ACSL1: variants seen among roughly 807,000 people sequenced by gnomAD.
ACSL1 encodes the protein acyl-CoA synthetase long chain family member 1.
Under a neutral mutation model 98.4 loss-of-function variants are expected in ACSL1, and 41 were observed. The observed-to-expected ratio is 0.42, with a 90% CI of 0.32 to 0.54. The LOEUF (loss-of-function observed/expected upper bound fraction) is 0.54. Ranked by LOEUF, ACSL1 falls within the 20% of genes least tolerant of loss-of-function variation. ACSL1 has a pLI of 0.13. For missense variants in ACSL1, 734 were observed against 883.1 expected, an observed-to-expected ratio of 0.83 and a Z score of 2.14; for synonymous variants, 316 against 322.7, an observed-to-expected ratio of 0.98 and a Z score of 0.22.
intron 2 of ACSL1, among the ~76,000 whole-genome samples, chr4:184,792,750 T>C (rs1768617572): frequency 6.6e-6 from 1 of 152,206 alleles, no homozygotes; most frequent in Non-Finnish European, 1.5e-5. Context: ...AGTGTTGCTA[T>C]TTTTTGAACA....
intron 2 of ACSL1, among the ~76,000 whole-genome samples, chr4:184,800,883 C>T (rs531043049): frequency 6.6e-6 from 1 of 152,318 alleles, no homozygotes; most frequent in East Asian, 1.9e-4. Context: ...GACAAGGTCT[C>T]GCTCTGTTGC....
chr4:184,759,236 A>G (rs1561169164), intron 18 of ACSL1, among the ~76,000 whole-genome samples: 1 of 152,232 alleles, frequency 6.6e-6, no homozygotes, highest in African/African-American at 2.4e-5. Flanking sequence ...TAATAGCAGC[A>G]TGATTTATAA....
chr4:184,824,407 A>C (rs1388089301), intron 1 of ACSL1, among the ~76,000 whole-genome samples: 1 of 151,602 alleles, frequency 6.6e-6, no homozygotes, highest in Non-Finnish European at 1.5e-5. Flanking sequence ...GATTACAGTG[A>C]GCCACCACGC....
At chr4:184,772,463 G>C (rs1360979603) in intron 10 of ACSL1, among the ~76,000 whole-genome samples, 1 of 152,188 alleles carries the variant, frequency 6.6e-6, no homozygotes. Flanking sequence ...TTTTTAAAAG[G>C]CAAGTTTGGA....
chr4:184,792,526 TCTGA>T (rs1443636070), intron 2 of ACSL1, among the ~76,000 whole-genome samples: 1 of 152,158 alleles, frequency 6.6e-6, no homozygotes, highest in Non-Finnish European at 1.5e-5. Flanking sequence ...GTCTCAACCG[TCTGA>T]CTGAGCTCAA....
intron 17 of ACSL1, among the ~76,000 whole-genome samples, chr4:184,761,087 T>C (rs1762794615): frequency 1.3e-5 from 2 of 152,166 alleles, no homozygotes; most frequent in Admixed American, 6.5e-5. Flanking sequence ...CTAGTCCCAC[T>C]TTTACCCCAT....
chr4:184,791,578 G>T (rs899514964), intron 2 of ACSL1, among the ~76,000 whole-genome samples: 1 of 152,186 alleles, frequency 6.6e-6, no homozygotes, highest in Admixed American at 6.5e-5. Flanking sequence ...ACCTTCCTAG[G>T]GACAGCAGGT....
chr4:184,788,028 G>C (rs1410686463), intron 3 of ACSL1, among the ~76,000 whole-genome samples: 1 of 152,146 alleles, frequency 6.6e-6, no homozygotes, highest in African/African-American at 2.4e-5. Context: ...ACTGCACAAA[G>C]CCTCAGGGCT....
chr4:184,775,960 C>A (rs1765222139), intron 7 of ACSL1, among the ~76,000 whole-genome samples: 1 of 152,164 alleles, frequency 6.6e-6, no homozygotes, highest in African/African-American at 2.4e-5. Flanking sequence ...CACGCTCATT[C>A]TCCTGGAATG....
At chr4:184,788,265 T>C (rs113287524) in intron 3 of ACSL1, 3 of 370,196 alleles carry the variant, frequency 8.1e-6, no homozygotes, top group South Asian at 4.3e-5. Flanking sequence ...TCTCAAAATA[T>C]GGGTCTCATG....
chr4:184,782,975 A>C (rs1266245340), intron 4 of ACSL1, among the ~76,000 whole-genome samples: 1 of 152,138 alleles, frequency 6.6e-6, no homozygotes, highest in African/African-American at 2.4e-5. Context: ...AAAACCCAGA[A>C]GGAGGAAGTG....
intron 1 of ACSL1, among the ~76,000 whole-genome samples, chr4:184,815,325 C>G (rs930994465): frequency 6.6e-6 from 1 of 152,126 alleles, no homozygotes; most frequent in South Asian, 2.1e-4. Context: ...GACTCGCAGC[C>G]GCATTGTAAG....
chr4:184,815,497 G>T (rs1461413260), intron 1 of ACSL1, among the ~76,000 whole-genome samples: 1 of 152,116 alleles, frequency 6.6e-6, no homozygotes, highest in African/African-American at 2.4e-5. Flanking sequence ...CCTGGGGGGG[G>T]AAACTGGGAA....
chr4:184,758,156 G>A, intron 18 of ACSL1: 1 of 490,246 alleles, frequency 2.0e-6, no homozygotes, highest in Non-Finnish European at 3.6e-6. Context: ...AAAAACCACT[G>A]GGAATACCAA....
At chr4:184,805,111 T>C (rs1338263539) in intron 1 of ACSL1, among the ~76,000 whole-genome samples, 1 of 152,120 alleles carries the variant, frequency 6.6e-6, no homozygotes, top group Non-Finnish European at 1.5e-5. Flanking sequence ...GGGCAAAGGA[T>C]ATGAACAGAC....
chr4:184,810,715 C>G (rs2150475230), intron 1 of ACSL1, among the ~76,000 whole-genome samples: 1 of 151,816 alleles, frequency 6.6e-6, no homozygotes, highest in African/African-American at 2.4e-5. Context: ...AACGATAGGG[C>G]TCAAGCGGAT....
At chr4:184,802,947 A>G (rs1311320353) in intron 2 of ACSL1, among the ~76,000 whole-genome samples, 1 of 152,174 alleles carries the variant, frequency 6.6e-6, no homozygotes, top group African/African-American at 2.4e-5. Context: ...TTTTGGTAAC[A>G]TTTGTTTGAA....
At chr4:184,826,158 C>T (rs1773481199), upstream of ACSL1, 1 of 149,280 alleles carries the variant, frequency 6.7e-6, no homozygotes, top group African/African-American at 2.4e-5. Flanking sequence ...CCGCCGAGCG[C>T]CCGGCCGCCC....
chr4:184,805,344 T>C (rs1771249273), intron 1 of ACSL1: 2 of 332,042 alleles, frequency 6.0e-6, no homozygotes, highest in Non-Finnish European at 8.6e-6. Flanking sequence ...ATAATGTATT[T>C]GCTCTGCTCA....
Sources: gnomAD v4.1 joint callset for allele counts (sites outside exome capture counted in the v4.1 genomes callset) on GRCh38, gnomAD v4.1.1 for gene constraint, MANE v1.5 for transcripts, NCBI Gene and HGNC (gene_info 2026-07-23, HGNC 2026-07-21) for gene names.